The following UBE2H variants were observed in gnomAD, a reference collection of about 807,000 sequenced individuals.
UBE2H encodes ubiquitin-conjugating enzyme E2 H.
A neutral mutation model predicts 29.0 loss-of-function variants in UBE2H; 3 were observed. That is an observed-to-expected ratio of 0.10 (90% CI 0.05 to 0.27). The LOEUF (loss-of-function observed/expected upper bound fraction) is 0.27. Among genes scored for constraint, UBE2H ranks in the 10% least tolerant of loss-of-function variants. The pLI, the probability that UBE2H is intolerant of heterozygous loss-of-function variation, is 1.00. For synonymous variants in UBE2H, 69 were observed against 82.9 expected, an observed-to-expected ratio of 0.83 and a Z score of 0.91; for missense variants, 68 against 228.2, an observed-to-expected ratio of 0.30 and a Z score of 4.52.
At chr7:129,843,155 C>T (rs1444277965) in intron 5 of UBE2H, among the ~76,000 whole-genome samples, 2 of 151,818 alleles carry the variant, frequency 1.3e-5, no homozygotes, top group African/African-American at 4.8e-5. Flanking sequence ...CACGCCGCCA[C>T]ATCCAGCTAA....
chr7:129,877,231 A>T (rs1450614885), intron 3 of UBE2H, among the ~76,000 whole-genome samples: 1 of 152,256 alleles, frequency 6.6e-6, no homozygotes, highest in African/African-American at 2.4e-5. Flanking sequence ...AAATTTGCAC[A>T]GCTGATTGTT....
intron 1 of UBE2H, among the ~76,000 whole-genome samples, chr7:129,944,748 A>ACCACACACG (rs1554441932): frequency 8.6e-5 from 12 of 140,040 alleles, no homozygotes; most frequent in Non-Finnish European, 3.2e-5. Flanking sequence ...ACACACACAC[A>ACCACACACG]CACGCACGCA....
chr7:129,909,848 AG>A (rs2116444067), intron 1 of UBE2H, among the ~76,000 whole-genome samples: 1 of 152,298 alleles, frequency 6.6e-6, no homozygotes, highest in South Asian at 2.1e-4. Context: ...TCTTCTAAGG[AG>A]CAGCTTGAAA....
rs1448005572 is a variant in UBE2H at position 129,831,629 on chromosome 7, G to C, written c.*3308C>G. On this transcript the variant is annotated 3_prime_UTR_variant, in exon 7 of 7. Transcript: ENST00000355621. ...TGTTAGGTACTGGAGAGATGATATGGCAACTCCTGATAATGACCTCACTAG... is the reference window on the plus strand; with the variant it reads ...TGTTAGGTACTGGAGAGATGATATGCCAACTCCTGATAATGACCTCACTAG... 6.6e-6 allele frequency: 1 copy of C among 152,204 alleles called. No homozygotes were observed. Among genetic ancestry groups the C allele is most frequent in the Non-Finnish European group, 1.5e-5 (1 of 68,044 alleles). 9.4% of individuals were successfully genotyped at this position (152,204 alleles called of 1,614,324 possible).
intron 1 of UBE2H, among the ~76,000 whole-genome samples, chr7:129,895,759 G>A (rs983160438): frequency 6.6e-6 from 1 of 151,870 alleles, no homozygotes; most frequent in Admixed American, 6.6e-5. Flanking sequence ...AAATTAGCCG[G>A]GTGCCTGTAG....
intron 1 of UBE2H, among the ~76,000 whole-genome samples, chr7:129,920,650 C>A (rs966432067): frequency 6.6e-6 from 1 of 151,664 alleles, no homozygotes; most frequent in Non-Finnish European, 1.5e-5. Context: ...GGGAGGGAAG[C>A]GGAATCAGGA....
chr7:129,877,389 A>G (rs966196586), intron 3 of UBE2H, among the ~76,000 whole-genome samples: 1 of 152,184 alleles, frequency 6.6e-6, no homozygotes, highest in African/African-American at 2.4e-5. Flanking sequence ...TCAAAAAGGA[A>G]TCCTTGCCTT....
chr7:129,907,860 GA>G (rs1342764505), intron 1 of UBE2H, among the ~76,000 whole-genome samples: 1 of 151,996 alleles, frequency 6.6e-6, no homozygotes, highest in Non-Finnish European at 1.5e-5. Context: ...ATACAGGCTG[GA>G]AAAAAAGTCA....
At chr7:129,840,234 G>A (rs967913516) in intron 5 of UBE2H, among the ~76,000 whole-genome samples, 3 of 151,874 alleles carry the variant, frequency 2.0e-5, no homozygotes, top group Non-Finnish European at 2.9e-5. Context: ...TGCCCAAGTT[G>A]GAGTGCATAG....
intron 1 of UBE2H, among the ~76,000 whole-genome samples, chr7:129,899,699 A>T (rs1806670270): frequency 6.6e-6 from 1 of 152,146 alleles, no homozygotes; most frequent in Admixed American, 6.5e-5. Flanking sequence ...AGACAGGTTA[A>T]CTCCAGAACC....
At chr7:129,838,878 C>T (rs944810025) in intron 6 of UBE2H, among the ~76,000 whole-genome samples, 2 of 152,190 alleles carry the variant, frequency 1.3e-5, no homozygotes, top group Non-Finnish European at 2.9e-5. Flanking sequence ...ACCTTGTGAT[C>T]CGCCTGCCTC....
At chr7:129,849,261 G>A (rs1805566325) in intron 5 of UBE2H, among the ~76,000 whole-genome samples, 1 of 152,184 alleles carries the variant, frequency 6.6e-6, no homozygotes, top group South Asian at 2.1e-4. Context: ...ACAGTTTTGA[G>A]ATTAAAAGTA....
chr7:129,884,269 T>C (rs1434718811), intron 1 of UBE2H, among the ~76,000 whole-genome samples: 1 of 151,746 alleles, frequency 6.6e-6, no homozygotes, highest in East Asian at 1.9e-4. Context: ...TACAAAAAAT[T>C]AGCCGAGCAT....
At chr7:129,888,446 A>G (rs919262727) in intron 1 of UBE2H, among the ~76,000 whole-genome samples, 2 of 151,388 alleles carry the variant, frequency 1.3e-5, no homozygotes, top group African/African-American at 4.9e-5. Context: ...TGAGCCCAGG[A>G]GTTTGAGACC....
At chr7:129,909,829 C>A (rs1463629519) in intron 1 of UBE2H, among the ~76,000 whole-genome samples, 1 of 152,120 alleles carries the variant, frequency 6.6e-6, no homozygotes, top group Non-Finnish European at 1.5e-5. Context: ...AGATAAGACA[C>A]AGAATCTATC....
intron 3 of UBE2H, among the ~76,000 whole-genome samples, chr7:129,861,222 TA>T (rs539177122): frequency 3.0e-3 from 423 of 142,104 alleles, no homozygotes; most frequent in Middle Eastern, 3.6e-3. Flanking sequence ...AGACTGTCTT[TA>T]AAAAAAAAAA....
intron 5 of UBE2H, among the ~76,000 whole-genome samples, chr7:129,843,698 G>A (rs1417903704): frequency 6.6e-6 from 1 of 152,204 alleles, no homozygotes; most frequent in African/African-American, 2.4e-5. Context: ...ACGTTCAGAT[G>A]TTTCTGTGGC....
chr7:129,863,853 G>A (rs1805846989), intron 3 of UBE2H, among the ~76,000 whole-genome samples: 1 of 144,432 alleles, frequency 6.9e-6, no homozygotes, highest in Non-Finnish European at 1.5e-5. Context: ...ACCCAGGCAG[G>A]AGTGTGGTGG....
intron 1 of UBE2H, among the ~76,000 whole-genome samples, chr7:129,920,456 A>G (rs1807134740): frequency 6.6e-6 from 1 of 152,220 alleles, no homozygotes; most frequent in Non-Finnish European, 1.5e-5. Context: ...TGGTACACAT[A>G]TAACTCAATA....
Sources: allele counts gnomAD v4.1 joint callset (sites outside exome capture counted in the v4.1 genomes callset), GRCh38; gene constraint gnomAD v4.1.1; transcripts MANE v1.5; gene names NCBI Gene and HGNC (gene_info 2026-07-23, HGNC 2026-07-21).